Variants in FAM169A observed in about 807,000 individuals in gnomAD.
FAM169A encodes the protein family with sequence similarity 169 member A.
In FAM169A, 24 loss-of-function variants were observed where a neutral mutation model predicts 75.7. The observed-to-expected ratio is 0.32, with a 90% CI of 0.23 to 0.45. The LOEUF (loss-of-function observed/expected upper bound fraction) is 0.45, where lower values mean the gene tolerates loss of function less well. Ranked by LOEUF, FAM169A falls within the 20% of genes least tolerant of loss-of-function variation. The pLI is 1.00. For missense variants in FAM169A, 673 were observed against 784.0 expected (o/e 0.86, Z 1.69); for synonymous variants, 271 against 271.0 (o/e 1.00, Z 0.00).
At position 74,805,331 on chromosome 5, in the gene FAM169A, T is replaced by C. The variant is rs773067303; in HGVS notation, c.671-47A>G. The C allele has an allele frequency of 1.9e-6, 3 of 1,591,850 alleles. No homozygotes were observed. The South Asian group carries it at 3.4e-5, about 18-fold the overall frequency. On this transcript the variant is annotated intron_variant, in intron 6 of 12. Transcript: ENST00000687041. ...TTCTAGAAATCCCAAATATCCACTG[T>C]TTTGAAAAACAGGAGTTGAAAAGTA...
chr5:74,829,424 T>C (rs1398063169), intron 5 of FAM169A, among the ~76,000 whole-genome samples: 1 of 152,214 alleles, frequency 6.6e-6, no homozygotes, highest in Non-Finnish European at 1.5e-5. Flanking sequence ...TTTGTCATTT[T>C]CCTATGACAC....
intron 11 of FAM169A, among the ~76,000 whole-genome samples, chr5:74,794,434 T>C (rs986180333): frequency 1.4e-5 from 2 of 147,698 alleles, no homozygotes; most frequent in Non-Finnish European, 3.0e-5. Flanking sequence ...CATAAAAATA[T>C]CATTTCATGA....
At chr5:74,785,023 T>A (rs1455375839) in intron 11 of FAM169A, among the ~76,000 whole-genome samples, 1 of 151,608 alleles carries the variant, frequency 6.6e-6, no homozygotes, top group Non-Finnish European at 1.5e-5. Context: ...ATCTTAACTT[T>A]TTAAAAGTGA....
At chr5:74,786,295 C>T (rs1487933567) in intron 11 of FAM169A, among the ~76,000 whole-genome samples, 2 of 152,140 alleles carry the variant, frequency 1.3e-5, no homozygotes, top group Non-Finnish European at 2.9e-5. Flanking sequence ...AGTTCCATTC[C>T]TCTAGAGAAC....
chr5:74,818,179 C>A (rs1322442835), intron 5 of FAM169A, among the ~76,000 whole-genome samples: 2 of 152,104 alleles, frequency 1.3e-5, no homozygotes, highest in African/African-American at 4.8e-5. Context: ...AAATTAAAAA[C>A]TTCTGGGCTT....
At chr5:74,783,667 A>G (rs1037550081) in intron 11 of FAM169A, among the ~76,000 whole-genome samples, 1 of 152,228 alleles carries the variant, frequency 6.6e-6, no homozygotes, top group Admixed American at 6.5e-5. Flanking sequence ...CCCTAGTCTC[A>G]GTCAACACCA....
Position 74,781,377 on chromosome 5 carries a change from C to G in FAM169A, c.*83G>C. Reference sequence around the variant, plus strand: ...ATTTTGGAAATTTTTGTCCTGTGCCCCATGCTGTTTATTAATTACCATATT... The same window carrying G: ...ATTTTGGAAATTTTTGTCCTGTGCCGCATGCTGTTTATTAATTACCATATT... On this transcript the variant is annotated 3_prime_UTR_variant, in exon 13 of 13. Transcript: ENST00000687041. 7.4e-7 allele frequency: 1 copy of G among 1,357,972 alleles called. No individual in the cohort carries two copies. The highest frequency in any genetic ancestry group is 1.0e-6 in the Non-Finnish European group (1 of 987,146). The allele number at this position is 1,357,972 out of a possible 1,614,324, so 84.1% of individuals were successfully genotyped here.
chr5:74,840,140 G>A lies in FAM169A; in HGVS notation c.166C>T (p.Pro56Ser). Residue 56 changes from proline to serine, a missense_variant, in exon 3 of 13, where the codon CCT becomes TCT. By Grantham distance (74) the Pro-to-Ser change is moderately conservative. Around this residue, in one of 3 missense-constraint regions of FAM169A, gnomAD observed 107 missense variants for 180.8 expected, o/e 0.59. Transcript: ENST00000687041. ...PISLSNVGFVPLYGGDQTQKI... is the reference protein window; with the variant it reads ...PISLSNVGFVSLYGGDQTQKI... Reference sequence around the variant, plus strand: ...TGGGTCTGATCTCCACCATAAAGAGGTACAAAGCCTACATTTGACAGGCTA... The same window carrying A: ...TGGGTCTGATCTCCACCATAAAGAGATACAAAGCCTACATTTGACAGGCTA... 6.3e-7 allele frequency: 1 copy of A among 1,595,010 alleles called. No individual in the cohort carries two copies. Among genetic ancestry groups the A allele is most frequent in the Non-Finnish European group, 8.5e-7 (1 of 1,170,106 alleles).
At chr5:74,827,495 T>C (rs187790970) in intron 5 of FAM169A, among the ~76,000 whole-genome samples, 234 of 151,942 alleles carry the variant, frequency 1.5e-3, no homozygotes, top group African/African-American at 5.4e-3. Context: ...ATTCTAAAAA[T>C]ATCTTGTGAT....
intron 5 of FAM169A, among the ~76,000 whole-genome samples, chr5:74,816,565 AC>A (rs1036356626): frequency 6.6e-6 from 1 of 152,064 alleles, no homozygotes; most frequent in African/African-American, 2.4e-5. Context: ...CTCTTCCTTC[AC>A]CTACACTTTA....
intron 5 of FAM169A, among the ~76,000 whole-genome samples, chr5:74,825,597 G>A (rs908185886): frequency 1.3e-5 from 2 of 152,072 alleles, no homozygotes; most frequent in Non-Finnish European, 2.9e-5. Context: ...TTCCAGAAAA[G>A]GGGTATATAA....
intron 1 of FAM169A, among the ~76,000 whole-genome samples, chr5:74,851,293 T>C (rs1268917574): frequency 4.6e-5 from 7 of 152,188 alleles, no homozygotes; most frequent in Admixed American, 3.3e-4. Context: ...TATCTTGTGA[T>C]AGGCAAAATT....
chr5:74,845,054 A>T (rs1460166082), intron 1 of FAM169A, among the ~76,000 whole-genome samples: 1 of 152,234 alleles, frequency 6.6e-6, no homozygotes, highest in African/African-American at 2.4e-5. Context: ...TCACAAAAGT[A>T]TCAGAAGGCA....
At chr5:74,866,640 C>T (rs1032830718), upstream of FAM169A, 21 of 781,962 alleles carry the variant, frequency 2.7e-5, no homozygotes, top group African/African-American at 5.6e-5. Flanking sequence ...CGACGCCCAG[C>T]TCAGGGCAAT....
rs991373332 is a variant in FAM169A at position 74,778,512 on chromosome 5, A to G, written c.*2948T>C. The G allele has an allele frequency of 2.0e-5, 3 of 151,854 alleles. No individual in the cohort carries two copies. Among genetic ancestry groups the G allele is most frequent in the Non-Finnish European group, 4.4e-5 (3 of 67,838 alleles). 9.4% of individuals were successfully genotyped at this position (151,854 alleles called of 1,614,324 possible). ...TCTTTAATGACTAGATGTTTTCCTT[A>G]CCATCTACACTGAATGGAAATACCA... On this transcript the variant is annotated 3_prime_UTR_variant, in exon 13 of 13. Coordinates refer to ENST00000687041, the MANE Select transcript of FAM169A (RefSeq NM_001376049.1).
intron 1 of FAM169A, among the ~76,000 whole-genome samples, chr5:74,864,836 A>G (rs943168421): frequency 2.0e-5 from 3 of 152,232 alleles, no homozygotes; most frequent in Admixed American, 6.5e-5. Flanking sequence ...GGTGCCTCTC[A>G]CCATCTCATT....
intron 11 of FAM169A, among the ~76,000 whole-genome samples, chr5:74,790,796 C>G (rs1021221184): frequency 6.6e-6 from 1 of 152,206 alleles, no homozygotes; most frequent in Non-Finnish European, 1.5e-5. Context: ...GCCAGCAGCA[C>G]AGACCAACAC....
At chr5:74,837,865 C>A (rs1439391538) in intron 4 of FAM169A, among the ~76,000 whole-genome samples, 1 of 152,078 alleles carries the variant, frequency 6.6e-6, no homozygotes, top group Non-Finnish European at 1.5e-5. Context: ...TGTCTGTAAT[C>A]CTAGCACTTT....
intron 10 of FAM169A, among the ~76,000 whole-genome samples, chr5:74,796,965 C>G (rs1340630578): frequency 6.6e-6 from 1 of 152,156 alleles, no homozygotes; most frequent in African/African-American, 2.4e-5. Context: ...ATTTTCACAG[C>G]TCTGCTTCAG....
Sources: gnomAD v4.1 joint callset for allele counts (sites outside exome capture counted in the v4.1 genomes callset) on GRCh38, gnomAD v4.1.1 for gene constraint, gnomAD v4.1.1 regional missense constraint, MANE v1.5 for transcripts, NCBI Gene and HGNC (gene_info 2026-07-23, HGNC 2026-07-21) for gene names.